KLF2: variants seen among roughly 807,000 people sequenced by gnomAD.
KLF2 encodes Krueppel-like factor 2.
A neutral mutation model predicts 22.2 loss-of-function variants in KLF2; 9 were observed. The ratio of observed to expected loss-of-function variants is 0.40; its 90% CI spans 0.24 to 0.71. KLF2 has a LOEUF of 0.71. KLF2 is among the 30% of genes least tolerant of loss of function. The pLI, the probability that KLF2 is intolerant of heterozygous loss-of-function variation, is 0.35. For synonymous variants in KLF2, 299 were observed against 264.2 expected, an observed-to-expected ratio of 1.13 and a Z score of -1.28; for missense variants, 481 against 542.1, an observed-to-expected ratio of 0.89 and a Z score of 1.12.
In KLF2 at chr19:16,325,935, C is replaced by G. The variant is rs1400646386; in HGVS notation, c.795C>G (p.Pro265=). Residue 265 remains proline (P), a synonymous_variant, in exon 2 of 3, where the codon CCC becomes CCG. Coordinates refer to ENST00000248071, the MANE Select transcript of KLF2 (RefSeq NM_016270.4). The stretch of plus-strand genomic sequence containing the variant: ...CAAAGCGCGGCCGCCGCTCTTGGCC[C>G]CGCAAACGCACCGCCACTCACACCT... The part of the protein sequence containing the change: ...AKPKRGRRSW[P]RKRTATHTCS... 2.6e-6 allele frequency: 4 copies of G among 1,530,348 alleles called. No individual in the cohort carries two copies. Among genetic ancestry groups the G allele is most frequent in the Non-Finnish European group, 3.5e-6 (4 of 1,140,256 alleles). 94.8% of individuals were successfully genotyped at this position (1,530,348 alleles called of 1,614,324 possible). A position where few individuals can be genotyped will look rare whatever the true frequency, so the allele number is the denominator to read the frequency against.
In KLF2 at chr19:16,326,789, C is replaced by A. The variant is rs553834774; in HGVS notation, c.893-67C>A. The stretch of plus-strand genomic sequence containing the variant: ...CCTGGTTAGGGATAGGTTGCGCTCG[C>A]CGGGGTAGCCATACGTGCCCTGTCC... On this transcript the variant is annotated intron_variant, in intron 2 of 2. Transcript: ENST00000248071. 4.5e-5 allele frequency: 69 copies of A among 1,518,878 alleles called. 1 individual carries two copies. The African/African-American group carries it at 8.0e-4, about 18-fold the overall frequency. The allele number at this position is 1,518,878 out of a possible 1,614,324, so 94.1% of individuals were successfully genotyped here.
At position 16,327,269 on chromosome 19, in the gene KLF2, A is replaced by G; in HGVS notation, c.*238A>G. ...CTCCTTGACGAGTTTTGTTTTTCAA[A>G]ATGGTGCAATAATTTAAGTGGCATC... On this transcript the variant is annotated 3_prime_UTR_variant, in exon 3 of 3. Transcript: ENST00000248071. 2.2e-6 allele frequency: 1 copy of G among 458,556 alleles called. No individual in the cohort carries two copies. The highest frequency in any genetic ancestry group is 3.9e-6 in the Non-Finnish European group (1 of 253,978). The allele number at this position is 458,556 out of a possible 1,614,324, so 28.4% of individuals were successfully genotyped here.
chr19:16,325,869 C>T lies in KLF2; in HGVS notation c.729C>T (p.Leu243=), dbSNP rs1332224195. Residue 243 remains leucine, a synonymous_variant, in exon 2 of 3, where the codon CTC becomes CTT. Coordinates refer to ENST00000248071, the MANE Select transcript of KLF2 (RefSeq NM_016270.4). ...GLAPPAARGL[L]TPPASPLELL... ...CGCCCCCCGCCGCCCGCGGTCTCCTCACGCCGCCTGCGTCCCCGCTGGAGC... is the reference window on the plus strand; with the variant it reads ...CGCCCCCCGCCGCCCGCGGTCTCCTTACGCCGCCTGCGTCCCCGCTGGAGC... 6 of 1,460,658 alleles carry T rather than the reference C, an allele frequency of 4.1e-6. No homozygotes were observed. Among genetic ancestry groups the T allele is most frequent in the East Asian group, 2.9e-5 (1 of 33,954 alleles). The allele number at this position is 1,460,658 out of a possible 1,614,324, so 90.5% of individuals were successfully genotyped here.
chr19:16,326,672 T>TG (rs1568375702), intron 2 of KLF2, among the ~76,000 whole-genome samples, 184 bp from the exon 3 acceptor site: 1 of 151,272 alleles, frequency 6.6e-6, no homozygotes. Flanking sequence ...TCCGACCCCC[T>TG]GGGGGTGAGG....
At chr19:16,326,793 G>T in intron 2 of KLF2, 63 bp from the exon 3 acceptor site, 1 of 1,530,582 alleles carries the variant, frequency 6.5e-7, no homozygotes. Flanking sequence ...CGCTCGCCGG[G>T]GTAGCCATAC....
intron 2 of KLF2, among the ~76,000 whole-genome samples, chr19:16,326,308 G>A (rs2091890117): frequency 6.6e-6 from 1 of 151,414 alleles, no homozygotes; most frequent in Admixed American, 6.6e-5. Flanking sequence ...GTTGGGAAGA[G>A]CACTTAGAAA....
At chr19:16,325,102 G>A (rs1176980214) in intron 1 of KLF2, 104 bp downstream of exon 1, 1 of 1,327,820 alleles carries the variant, frequency 7.5e-7, no homozygotes, top group Non-Finnish European at 1.0e-6. Flanking sequence ...GGGGACTGCA[G>A]ACTCAGGAGA....
chr19:16,325,195 C>T, intron 1 of KLF2, 21 bp from the exon 2 acceptor site: 1 of 1,491,742 alleles, frequency 6.7e-7, no homozygotes, highest in Non-Finnish European at 8.9e-7. Context: ...CCGCTCACGC[C>T]CATTGCCCTG....
At position 16,325,702 on chromosome 19, in the gene KLF2, G is replaced by C; in HGVS notation, c.562G>C (p.Gly188Arg). 2 of 1,160,720 alleles carry C rather than the reference G, an allele frequency of 1.7e-6. No homozygotes were observed. Among genetic ancestry groups the C allele is most frequent in the Non-Finnish European group, 2.1e-6 (2 of 946,342 alleles). The allele number at this position is 1,160,720 out of a possible 1,614,324, so 71.9% of individuals were successfully genotyped here. A position where few individuals can be genotyped will look rare whatever the true frequency, so the allele number is the denominator to read the frequency against. Reference protein sequence around the residue: ...PDGPARLPAPGPRASFPPPFG... With the variant: ...PDGPARLPAPRPRASFPPPFG... Reference sequence around the variant, plus strand: ...CGGCCCCGCGCGCCTGCCCGCGCCCGGTCCGCGCGCCTCCTTCCCGCCGCC... The same window carrying C: ...CGGCCCCGCGCGCCTGCCCGCGCCCCGTCCGCGCGCCTCCTTCCCGCCGCC... The change falls in exon 2 of 3, where the codon GGT (glycine) becomes CGT (arginine). Residue 188 changes from glycine to arginine, a missense_variant. Coordinates refer to ENST00000248071, the MANE Select transcript of KLF2 (RefSeq NM_016270.4).
At chr19:16,325,187 G>A (rs771902374) in intron 1 of KLF2, 29 bp from the exon 2 acceptor site, 3 of 1,460,048 alleles carry the variant, frequency 2.1e-6, no homozygotes, top group Non-Finnish European at 1.8e-6. Context: ...CCCGCCGCCC[G>A]CTCACGCCCA....
rs1205630530 is a variant in KLF2, at chr19:16,325,320, C to A, written c.180C>A (p.Ala60=). ...SMGLDGLGAE[A]APEPPPPPPP... ...GGCTGGATGGCCTGGGCGCCGAGGC[C>A]GCCCCGGAGCCGCCGCCGCCGCCCC... The change falls in exon 2 of 3, where the codon GCC becomes GCA. Residue 60 remains alanine, a synonymous_variant. Transcript: ENST00000248071. The A allele has an allele frequency of 2.7e-6, 4 of 1,484,456 alleles. No homozygotes were observed. The highest frequency in any genetic ancestry group is 1.3e-5 in the South Asian group (1 of 78,188). 92.0% of individuals were successfully genotyped at this position (1,484,456 alleles called of 1,614,324 possible).
In KLF2 at chr19:16,326,848, C is replaced by T. The variant is rs763400070; in HGVS notation, c.893-8C>T. On this transcript the variant is annotated splice_region_variant and splice_polypyrimidine_tract_variant and intron_variant, in intron 2 of 2. Coordinates refer to ENST00000248071, the MANE Select transcript of KLF2 (RefSeq NM_016270.4). ...GAACTGACGCTTACTCTCGCCCCCT[C>T]CCTGCAGGTGAGAAGCCCTACCACT... 1 of 1,605,618 alleles carries T rather than the reference C, an allele frequency of 6.2e-7. No individual in the cohort carries two copies. The highest frequency in any genetic ancestry group is 1.1e-5 in the South Asian group (1 of 91,002).
At position 16,326,088 on chromosome 19, in the gene KLF2, G is replaced by A. The variant is rs2091889177; in HGVS notation, c.892+56G>A. 10 of 1,488,610 alleles carry A rather than the reference G, an allele frequency of 6.7e-6. No individual in the cohort carries two copies. In the Middle Eastern group the frequency reaches 6.4e-4, roughly 96 times the overall value. The allele number at this position is 1,488,610 out of a possible 1,614,324, so 92.2% of individuals were successfully genotyped here. On this transcript the variant is annotated intron_variant, in intron 2 of 2. Coordinates refer to ENST00000248071, the MANE Select transcript of KLF2 (RefSeq NM_016270.4). ...GCGGGGGGACGCGGGAGGAGAGGTC[G>A]GATTCCCAGCGCGCGCCAGAAAATG...
At chr19:16,326,064 C>A in intron 2 of KLF2, 32 bp downstream of exon 2, 1 of 1,521,916 alleles carries the variant, frequency 6.6e-7, no homozygotes. Context: ...GGAGCGCAGG[C>A]GGGGGGACGC....
At chr19:16,325,152 A>G (rs2091884260) in intron 1 of KLF2, 64 bp from the exon 2 acceptor site, 1 of 1,366,666 alleles carries the variant, frequency 7.3e-7, no homozygotes, top group Non-Finnish European at 9.7e-7. Context: ...TTAGGGTGGT[A>G]AAAGGCAAGC....
At chr19:16,326,271 C>CTAA (rs955742742) in intron 2 of KLF2, among the ~76,000 whole-genome samples, 1 of 147,080 alleles carries the variant, frequency 6.8e-6, no homozygotes, top group African/African-American at 2.5e-5. Context: ...GGGGCTTGCA[C>CTAA]GCTTAGGACG....
In KLF2 at chr19:16,327,130, A is replaced by T; in HGVS notation, c.*99A>T. ...TGACTGGTATTTATTGGACCCAGAG[A>T]ACCGGGCCGGGCACAGCGTGGCTAC... On this transcript the variant is annotated 3_prime_UTR_variant, in exon 3 of 3. Coordinates refer to ENST00000248071, the MANE Select transcript of KLF2 (RefSeq NM_016270.4). 1 of 1,222,964 alleles carries T rather than the reference A, an allele frequency of 8.2e-7. No homozygotes were observed. Among genetic ancestry groups the T allele is most frequent in the Non-Finnish European group, 1.1e-6 (1 of 907,562 alleles). The allele number at this position is 1,222,964 out of a possible 1,614,324, so 75.8% of individuals were successfully genotyped here. A position where few individuals can be genotyped will look rare whatever the true frequency, so the allele number is the denominator to read the frequency against.
In KLF2 at chr19:16,325,737, C is replaced by T; in HGVS notation, c.597C>T (p.Gly199=). The T allele has an allele frequency of 4.1e-6, 5 of 1,214,166 alleles. No homozygotes were observed. Among genetic ancestry groups the T allele is most frequent in the Non-Finnish European group, 5.1e-6 (5 of 979,908 alleles). The allele number at this position is 1,214,166 out of a possible 1,614,324, so 75.2% of individuals were successfully genotyped here. Reference sequence around the variant, plus strand: ...CCTCCTTCCCGCCGCCTTTCGGTGGCCCTGGTTTCGGCGCGCCCGGGCCCG... The same window carrying T: ...CCTCCTTCCCGCCGCCTTTCGGTGGTCCTGGTTTCGGCGCGCCCGGGCCCG... ...PRASFPPPFG[G]PGFGAPGPGL... The change falls in exon 2 of 3, where the codon GGC becomes GGT. Residue 199 remains glycine, a synonymous_variant. Coordinates refer to ENST00000248071, the MANE Select transcript of KLF2 (RefSeq NM_016270.4).
chr19:16,326,096 A>AGC (rs2091889202), intron 2 of KLF2, 64 bp downstream of exon 2: 1 of 1,454,988 alleles, frequency 6.9e-7, no homozygotes. Flanking sequence ...TCGGATTCCC[A>AGC]GCGCGCGCCA....
Sources: allele counts gnomAD v4.1 joint callset (sites outside exome capture counted in the v4.1 genomes callset), GRCh38; gene constraint gnomAD v4.1.1; transcripts MANE v1.5; gene names NCBI Gene and HGNC (gene_info 2026-07-23, HGNC 2026-07-21).